The following PKD1 variants were observed in gnomAD, a reference collection of about 807,000 sequenced individuals.
PKD1 encodes polycystin-1.
Under a neutral mutation model 361.7 loss-of-function variants are expected in PKD1, and 81 were observed. That is an observed-to-expected ratio of 0.22 (90% confidence interval 0.19 to 0.27). PKD1 has a LOEUF of 0.27. Ranked by LOEUF, PKD1 falls within the 10% of genes least tolerant of loss-of-function variation. PKD1 has a pLI of 1.00. For missense variants in PKD1, 6,399 were observed against 6,118.3 expected, an observed-to-expected ratio of 1.05 and a Z score of -1.53; for synonymous variants, 3,615 against 2,818.3, an observed-to-expected ratio of 1.28 and a Z score of -8.95.
intron 16 of PKD1, chr16:2,107,164 G>A (rs1425086603): frequency 2.4e-5 from 15 of 626,634 alleles, no homozygotes; most frequent in African/African-American, 3.6e-5. Flanking sequence ...TGGAGTGTGC[G>A]TTCTGGTGTA....
At chr16:2,105,839 G>A in intron 20 of PKD1, 26 bp downstream of exon 20, 2 of 1,592,294 alleles carry the variant, frequency 1.3e-6, no homozygotes, top group East Asian at 2.2e-5. Context: ...CAGCAGATGT[G>A]ACGTCCCCTC....
At position 2,097,926 on chromosome 16, in the gene PKD1, C is replaced by G. The variant is rs781379310; in HGVS notation, c.10109G>C (p.Cys3370Ser). The G allele has an allele frequency of 6.2e-7, 1 of 1,604,320 alleles. No individual in the cohort carries two copies. The highest frequency in any genetic ancestry group is 8.5e-7 in the Non-Finnish European group (1 of 1,174,432). ...GCTGTCCAGCACGGACGAGTCCAGG[C>G]AGCTGTCGATGTCCAGCACCTGCTG... ...AGQQVLDIDS[C>S]LDSSVLDSSF... The change falls in exon 31 of 46, where the codon TGC becomes TCC. Residue 3370 changes from cysteine to serine, a missense_variant. Cys to Ser is a moderately radical substitution (Grantham distance 112). Transcript: ENST00000262304.
chr16:2,122,769 C>T (rs1006510842), intron 1 of PKD1, among the ~76,000 whole-genome samples: 10 of 152,298 alleles, frequency 6.6e-5, no homozygotes, highest in South Asian at 4.1e-4. Context: ...GGACCCGAGG[C>T]GCAGGAGCCC....
chr16:2,092,442 G>C, intron 39 of PKD1, 38 bp downstream of exon 39: 2 of 1,376,550 alleles, frequency 1.5e-6, no homozygotes, highest in Non-Finnish European at 2.1e-6. Context: ...TCAACAAGAG[G>C]AACGATTTAA....
rs777759149 is a variant in PKD1 at position 2,114,346 on chromosome 16, G to A, written c.2677C>T (p.Leu893=). The change falls in exon 11 of 46, where the codon CTG becomes TTG. Residue 893 remains leucine, a synonymous_variant. Transcript: ENST00000262304. ...CACGGCAGTGCTACCACTGAGAACA[G>A]GGTATCGTTGGTCTCCCAGGGGCAG... The part of the protein sequence containing the change: ...PGCPWETNDT[L]FSVVALPWLS... 3 of 1,610,322 alleles carry A rather than the reference G, an allele frequency of 1.9e-6. No homozygotes were observed. The highest frequency in any genetic ancestry group is 2.5e-6 in the Non-Finnish European group (3 of 1,179,580).
Position 2,105,880 on chromosome 16 carries a change from G to A in PKD1, c.7848C>T (p.Val2616=), listed in dbSNP as rs143124196. The A allele has an allele frequency of 2.6e-4, 419 of 1,596,196 alleles. 1 individual carries two copies. The highest frequency in any genetic ancestry group is 1.4e-3 in the Middle Eastern group (6 of 4,428). The part of the protein sequence containing the change: ...QHVIEYSLAL[V]TVLNEYERAL... ...CTGCACTCACCTCGTTCAGCACGGT[G>A]ACCAGGGCCAACGAGTACTCGATGA... The change falls in exon 20 of 46, where the codon GTC becomes GTT. Residue 2616 remains valine (V), a synonymous_variant. Transcript: ENST00000262304.
intron 1 of PKD1, among the ~76,000 whole-genome samples, chr16:2,133,770 G>A (rs1439851678): frequency 6.7e-6 from 1 of 149,136 alleles, no homozygotes; most frequent in Non-Finnish European, 1.5e-5. Flanking sequence ...CACTTGGGGG[G>A]CCTGGCATTC....
rs1175429769 is a variant in PKD1, at chr16:2,111,364, T to A, written c.3803A>T (p.Gln1268Leu). The A allele has an allele frequency of 3.1e-6, 5 of 1,610,794 alleles. No individual in the cohort carries two copies. In the African/African-American group the frequency reaches 6.7e-5, roughly 22 times the overall value. ...CGCACCCACGGTCACTGTGCAGTTC[T>A]GTGCCCGCAGGTACACATGCTCCAC... ...ATVEHVYLRA[Q>L]NCTVTVGAAS... The change falls in exon 15 of 46, where the codon CAG becomes CTG. Residue 1268 changes from glutamine to leucine, a missense_variant. Gln to Leu is a moderately radical substitution (Grantham distance 113, BLOSUM62 -2). Transcript: ENST00000262304.
In PKD1 at chr16:2,110,358, G is replaced by A. The variant is rs146103326; in HGVS notation, c.4809C>T (p.Ser1603=). The A allele has an allele frequency of 7.3e-5, 117 of 1,612,624 alleles. No individual in the cohort carries two copies. The highest frequency in any genetic ancestry group is 3.3e-4 in the Middle Eastern group (2 of 6,056). ...GGPTISYTFR[S]VGTFNIIVTA... is the part of the protein sequence containing the mutation. ...TGACGATGATATTGAAGGTGCCCAC[G>A]GAGCGGAAGGTGTAAGAGATGGTAG... Residue 1603 remains serine (S), a synonymous_variant, in exon 15 of 46, where the codon TCC becomes TCT. Coordinates refer to ENST00000262304, the MANE Select transcript of PKD1 (RefSeq NM_001009944.3).
rs1462183587 is a variant in PKD1 at position 2,100,839 on chromosome 16, A to G, written c.9398-273T>C. 1 of 520,326 alleles carries G rather than the reference A, an allele frequency of 1.9e-6. No homozygotes were observed. The highest frequency in any genetic ancestry group is 3.5e-6 in the Non-Finnish European group (1 of 285,222). 32.2% of individuals were successfully genotyped at this position (520,326 alleles called of 1,614,324 possible). On this transcript the variant is annotated intron_variant, in intron 26 of 45. Coordinates refer to ENST00000262304, the MANE Select transcript of PKD1 (RefSeq NM_001009944.3). The surrounding 1 kb of genome is among the most constrained non-coding windows in gnomAD (Gnocchi z 4.4). Reference sequence around the variant, plus strand: ...ACACGCCTCAGTCCACACCACAACCAGTGACCCGCACTGCACACCTGTCCA... The same window carrying G: ...ACACGCCTCAGTCCACACCACAACCGGTGACCCGCACTGCACACCTGTCCA...
rs1167794232 is a variant in PKD1 at position 2,100,919 on chromosome 16, A to AT, written c.9398-354dup. 6.6e-6 allele frequency among the ~76,000 whole-genome samples: 1 copy of AT among 152,130 alleles called. No individual in the cohort carries two copies. The highest frequency in any genetic ancestry group is 2.4e-5 in the African/African-American group (1 of 41,430). On this transcript the variant is annotated intron_variant, in intron 26 of 45. Transcript: ENST00000262304. The surrounding 1 kb of genome is among the most constrained non-coding windows in gnomAD (Gnocchi z 4.4). The stretch of plus-strand genomic sequence containing the variant: ...GCACCACACACCCGTCCCTCAGTTC[A>AT]TGCACAGACTGCAAAGCGTGAAGCT...
In PKD1 at chr16:2,112,634, C is replaced by T. The variant is rs2092545526; in HGVS notation, c.3161+154G>A. The T allele has an allele frequency of 4.8e-6, 5 of 1,043,612 alleles. No homozygotes were observed. In the Admixed American group the frequency reaches 1.0e-4, roughly 21 times the overall value. 64.6% of individuals were successfully genotyped at this position (1,043,612 alleles called of 1,614,324 possible). On this transcript the variant is annotated intron_variant, in intron 13 of 45. Transcript: ENST00000262304. Reference sequence around the variant, plus strand: ...GCTGAGGCCTCTCCCGGCTCCCGTGCAGCCTCAGGGCTCCTGTGCACCCAG... The same window carrying T: ...GCTGAGGCCTCTCCCGGCTCCCGTGTAGCCTCAGGGCTCCTGTGCACCCAG...
In PKD1 at chr16:2,106,293, C is replaced by T. The variant is rs540147182; in HGVS notation, c.7501G>A (p.Ala2501Thr). ...ACCAGCGGGGCGCCAGCATCCTCCGCGTCATGCCAGCCTGAGGGACGGTCC... is the reference window on the plus strand; with the variant it reads ...ACCAGCGGGGCGCCAGCATCCTCCGTGTCATGCCAGCCTGAGGGACGGTCC... ...VHFECTGWHD[A>T]EDAGAPLVYA... Residue 2501 changes from alanine (A) to threonine (T), a missense_variant, in exon 19 of 46, where the codon GCG (alanine) becomes ACG (threonine). By Grantham distance (58) the Ala-to-Thr change is moderately conservative. Coordinates refer to ENST00000262304, the MANE Select transcript of PKD1 (RefSeq NM_001009944.3). The surrounding 1 kb of genome is among the most constrained non-coding windows in gnomAD (Gnocchi z 6.5). The T allele has an allele frequency of 3.4e-5, 55 of 1,609,776 alleles. No individual in the cohort carries two copies. The highest frequency in any genetic ancestry group is 3.2e-4 in the African/African-American group (24 of 74,952).
chr16:2,107,688 A>G (rs1262524350), intron 16 of PKD1, 195 bp downstream of exon 16: 5 of 651,800 alleles, frequency 7.7e-6, no homozygotes, highest in Non-Finnish European at 1.4e-5. Flanking sequence ...ATGTGGCTTG[A>G]AGACTGTACG....
At position 2,117,952 on chromosome 16, in the gene PKD1, C is replaced by T. The variant is rs2092667095; in HGVS notation, c.1040G>A (p.Gly347Glu). The T allele has an allele frequency of 6.6e-6, 10 of 1,505,004 alleles. No individual in the cohort carries two copies. The highest frequency in any genetic ancestry group is 9.0e-6 in the Non-Finnish European group (10 of 1,110,266). 93.2% of individuals were successfully genotyped at this position (1,505,004 alleles called of 1,614,324 possible). ...TGCCGCTTCCACCTGCACGTCTGTC[C>T]CCAGCAGGGCTGAGCCGGCCCCCAG... The part of the protein sequence containing the change: ...LALGAGSALL[G>E]TDVQVEAAPA... The change falls in exon 5 of 46, where the codon GGG becomes GAG. Residue 347 changes from glycine (G) to glutamate (E), a missense_variant. By Grantham distance (98) the Gly-to-Glu change is moderately conservative. Coordinates refer to ENST00000262304, the MANE Select transcript of PKD1 (RefSeq NM_001009944.3).
rs561066327 is a variant in PKD1, at chr16:2,118,580, C to G, written c.529+96G>C. 10 of 772,642 alleles carry G rather than the reference C, an allele frequency of 1.3e-5. No homozygotes were observed. The highest frequency in any genetic ancestry group is 3.4e-5 in the African/African-American group (2 of 58,620). The allele number at this position is 772,642 out of a possible 1,614,324, so 47.9% of individuals were successfully genotyped here. ...CTGTTCCCTTGGCCCGGAGGCCCCCCCCAGAGAGGCCTTCCTGAGCCCTGC... is the reference window on the plus strand; with the variant it reads ...CTGTTCCCTTGGCCCGGAGGCCCCCGCCAGAGAGGCCTTCCTGAGCCCTGC... On this transcript the variant is annotated intron_variant, in intron 4 of 45. Coordinates refer to ENST00000262304, the MANE Select transcript of PKD1 (RefSeq NM_001009944.3). This position sits in a 1 kb window ranked among gnomAD's most constrained non-coding sequence, Gnocchi z 6.0.
Position 2,090,216 on chromosome 16 carries a change from A to T in PKD1, c.12445-22T>A, listed in dbSNP as rs763666057. On this transcript the variant is annotated intron_variant, in intron 45 of 45. Transcript: ENST00000262304. ...GGAACTGGGGGCGGCACAGGGGCTC[A>T]GTCAGTCCGGCTGCACCCTGGGCAG... 3.7e-6 allele frequency: 6 copies of T among 1,608,458 alleles called. No individual in the cohort carries two copies. In the Admixed American group the frequency reaches 8.4e-5, roughly 22 times the overall value.
chr16:2,092,792 G>A (rs2091657328), intron 38 of PKD1, 162 bp downstream of exon 38: 2 of 916,960 alleles, frequency 2.2e-6, no homozygotes, highest in Admixed American at 1.8e-5. Context: ...GCAAGACACG[G>A]ACCTGTGTCC....
At position 2,102,996 on chromosome 16, in the gene PKD1, G is replaced by A. The variant is rs368758926; in HGVS notation, c.8792-26C>T. On this transcript the variant is annotated intron_variant, in intron 23 of 45. Transcript: ENST00000262304. The stretch of plus-strand genomic sequence containing the variant: ...CTGGGGCAGAACGCGCAGGTCACAC[G>A]CCTGCCGGGAAGCTCAACCACCCGG... 131 of 1,598,810 alleles carry A rather than the reference G, an allele frequency of 8.2e-5. 2 individuals are homozygous for A. The highest frequency in any genetic ancestry group is 3.2e-4 in the Admixed American group (19 of 59,974).
Sources: allele counts gnomAD v4.1 joint callset (sites outside exome capture counted in the v4.1 genomes callset), GRCh38; gene constraint gnomAD v4.1.1; non-coding constraint Gnocchi (gnomAD v3.1); transcripts MANE v1.5; gene names NCBI Gene and HGNC (gene_info 2026-07-23, HGNC 2026-07-21).